C8orf34: variants seen among roughly 807,000 people sequenced by gnomAD.
C8orf34 encodes the protein uncharacterized protein C8orf34.
Under a neutral mutation model 68.3 loss-of-function variants are expected in C8orf34, and 65 were observed. That is an observed-to-expected ratio of 0.95 (90% CI 0.78 to 1.17). The LOEUF (loss-of-function observed/expected upper bound fraction) is 1.17, where lower values mean the gene tolerates loss of function less well. Among genes scored for constraint, C8orf34 ranks in the 50% most tolerant of loss-of-function variants. The pLI is 0.00. For synonymous variants in C8orf34, 244 were observed against 241.2 expected, an observed-to-expected ratio of 1.01 and a Z score of -0.11; for missense variants, 664 against 655.4, an observed-to-expected ratio of 1.01 and a Z score of -0.14.
chr8:68,464,786 T>A (rs537287439), intron 3 of C8orf34, among the ~76,000 whole-genome samples: 67 of 151,986 alleles, frequency 4.4e-4, no homozygotes, highest in African/African-American at 1.6e-3. Context: ...TTACACCTTA[T>A]ACAAAAATCA....
chr8:68,621,932 C>G (rs112602423), intron 7 of C8orf34, among the ~76,000 whole-genome samples: 1,547 of 152,308 alleles, frequency 0.01, 20 homozygotes, highest in African/African-American at 0.034. Flanking sequence ...GGTCAGGACT[C>G]TAGGCACAGC....
intron 1 of C8orf34, among the ~76,000 whole-genome samples, chr8:68,397,362 G>A (rs1361242194): frequency 2.0e-5 from 3 of 151,946 alleles, no homozygotes; most frequent in South Asian, 2.1e-4. Flanking sequence ...CAATTCCCAT[G>A]TTTTCCTAAA....
At chr8:68,435,878 A>G (rs1482613931) in intron 1 of C8orf34, among the ~76,000 whole-genome samples, 1 of 152,190 alleles carries the variant, frequency 6.6e-6, no homozygotes, top group Non-Finnish European at 1.5e-5. Flanking sequence ...TAATAGATGG[A>G]ATATGAATGT....
chr8:68,740,652 G>T (rs1324334779), intron 10 of C8orf34, among the ~76,000 whole-genome samples: 1 of 152,150 alleles, frequency 6.6e-6, no homozygotes, highest in Non-Finnish European at 1.5e-5. Flanking sequence ...GTGTAAATTA[G>T]TTCAACTACT....
chr8:68,490,857 T>G (rs1373192635), intron 5 of C8orf34, among the ~76,000 whole-genome samples: 24 of 152,280 alleles, frequency 1.6e-4, no homozygotes, highest in African/African-American at 4.8e-4. Flanking sequence ...TAGCACCCTC[T>G]GGTGACCATG....
chr8:68,366,580 C>A (rs1350468474), intron 1 of C8orf34, among the ~76,000 whole-genome samples: 1 of 151,486 alleles, frequency 6.6e-6, no homozygotes, highest in Admixed American at 6.6e-5. Flanking sequence ...ACAGAGCCCT[C>A]AGAAATAACA....
chr8:68,341,960 T>C (rs1011752066), intron 1 of C8orf34, among the ~76,000 whole-genome samples: 4 of 152,292 alleles, frequency 2.6e-5, no homozygotes, highest in East Asian at 3.9e-4. Flanking sequence ...TCAAACAATA[T>C]GAGGTTTCAG....
In C8orf34 at chr8:68,815,877, G is replaced by T. The variant is rs570043049; in HGVS notation, c.1550-9G>T. The T allele has an allele frequency of 1.5e-5, 25 of 1,613,668 alleles. No individual in the cohort carries two copies. In the African/African-American group the frequency reaches 2.8e-4, roughly 18 times the overall value. The stretch of plus-strand genomic sequence containing the variant: ...CTGGCATATTATCTCTGTTTCTTTT[G>T]TTGTGCAGGTTCCGCTGATCTTCTT... On this transcript the variant is annotated splice_polypyrimidine_tract_variant and intron_variant, in intron 12 of 13. Transcript: ENST00000518698.
At chr8:68,551,687 G>T (rs1816076720) in intron 7 of C8orf34, among the ~76,000 whole-genome samples, 2 of 152,122 alleles carry the variant, frequency 1.3e-5, no homozygotes, top group South Asian at 4.2e-4. Flanking sequence ...TGGGGATGGG[G>T]GAAGAAGTGT....
intron 3 of C8orf34, among the ~76,000 whole-genome samples, chr8:68,456,100 A>C (rs1811538161): frequency 6.6e-6 from 1 of 151,052 alleles, no homozygotes; most frequent in Non-Finnish European, 1.5e-5. Flanking sequence ...AAAAAAAAAA[A>C]AAAAAATTAG....
intron 5 of C8orf34, among the ~76,000 whole-genome samples, chr8:68,510,814 C>T (rs1380280908): frequency 6.6e-6 from 1 of 152,162 alleles, no homozygotes; most frequent in Non-Finnish European, 1.5e-5. Context: ...AAAACCCATC[C>T]AAGCCATGGG....
Position 68,776,039 on chromosome 8 carries a change from G to A in C8orf34, c.1405-360G>A, listed in dbSNP as rs574161360. ...GGGAGGGTAAGCATCAGGATAAATA[G>A]CTAATGCATGCAGAGCTTAATACCT... On this transcript the variant is annotated intron_variant, in intron 10 of 13. Transcript: ENST00000518698. Among the ~76,000 whole-genome samples the A allele has an allele frequency of 9.9e-5, 15 of 152,244 alleles. No individual in the cohort carries two copies. The South Asian group carries it at 2.9e-3, about 29-fold the overall frequency.
intron 12 of C8orf34, among the ~76,000 whole-genome samples, chr8:68,800,872 G>C (rs897620755): frequency 1.3e-5 from 2 of 152,072 alleles, no homozygotes; most frequent in Non-Finnish European, 2.9e-5. Context: ...CTTTTCTTTT[G>C]CTTCAGTGTT....
intron 2 of C8orf34, 74 bp downstream of exon 2, chr8:68,439,720 A>G: frequency 7.8e-6 from 11 of 1,402,630 alleles, no homozygotes; most frequent in Non-Finnish European, 1.1e-5. Flanking sequence ...TTTTGATACT[A>G]ATAAGATAAA....
chr8:68,605,417 A>T (rs1006606729), intron 7 of C8orf34, among the ~76,000 whole-genome samples: 1 of 152,172 alleles, frequency 6.6e-6, no homozygotes, highest in Non-Finnish European at 1.5e-5. Context: ...ATGGATGTTT[A>T]TAGCAGCTTT....
intron 9 of C8orf34, among the ~76,000 whole-genome samples, chr8:68,713,089 A>G (rs1821370074): frequency 2.6e-5 from 4 of 152,162 alleles, no homozygotes. Flanking sequence ...TCAACAAGGA[A>G]ATCAAGATGG....
chr8:68,783,440 C>T (rs144215529), intron 11 of C8orf34, among the ~76,000 whole-genome samples: 2,582 of 147,422 alleles, frequency 0.018, 46 homozygotes, highest in South Asian at 0.052. Context: ...ATTGCTTGAA[C>T]CTGGGAGGCG....
chr8:68,710,009 A>G (rs554336397), intron 9 of C8orf34, among the ~76,000 whole-genome samples: 1 of 152,202 alleles, frequency 6.6e-6, no homozygotes, highest in African/African-American at 2.4e-5. Flanking sequence ...CAGGAAAAAA[A>G]CATCTCCAGC....
chr8:68,733,055 C>T (rs1264071783), intron 10 of C8orf34, among the ~76,000 whole-genome samples: 1 of 152,100 alleles, frequency 6.6e-6, no homozygotes, highest in Non-Finnish European at 1.5e-5. Flanking sequence ...CAGAGTGAGA[C>T]TCTGTCTCAA....
Sources: allele counts gnomAD v4.1 joint callset (sites outside exome capture counted in the v4.1 genomes callset), GRCh38; gene constraint gnomAD v4.1.1; transcripts MANE v1.5; gene names NCBI Gene and HGNC (gene_info 2026-07-23, HGNC 2026-07-21).